Variants in STK32C observed in about 807,000 individuals in gnomAD.
The protein encoded by STK32C is serine/threonine-protein kinase 32C.
Under a neutral mutation model 56.5 loss-of-function variants are expected in STK32C, and 31 were observed. The ratio of observed to expected loss-of-function variants is 0.55; its 90% CI spans 0.41 to 0.74. STK32C has a LOEUF of 0.74. Ranked by LOEUF, STK32C falls within the 30% of genes least tolerant of loss-of-function variation. The probability of loss-of-function intolerance (pLI) is 0.00; values close to 1 mark genes in which losing one functional copy is unlikely to be tolerated. For synonymous variants in STK32C, 309 were observed against 289.4 expected (o/e 1.07, Z -0.69); for missense variants, 544 against 676.9 (o/e 0.80, Z 2.18).
At chr10:132,311,042 G>A (rs992356881), upstream of STK32C, among the ~76,000 whole-genome samples, 3 of 152,148 alleles carry the variant, frequency 2.0e-5, no homozygotes, top group African/African-American at 4.8e-5. The surrounding 1 kb of genome is among the most constrained non-coding windows in gnomAD (Gnocchi z 4.4). Flanking sequence ...ACAAGGTGCA[G>A]TCCCTGACAC....
chr10:132,274,741 C>T (rs1384325800), intron 1 of STK32C, among the ~76,000 whole-genome samples: 2 of 152,326 alleles, frequency 1.3e-5, no homozygotes, highest in Admixed American at 6.5e-5. Flanking sequence ...CGGAGGGCCC[C>T]GAGATGTCCC....
At chr10:132,265,975 G>A (rs117449511) in intron 1 of STK32C, among the ~76,000 whole-genome samples, 15 of 152,320 alleles carry the variant, frequency 9.8e-5, no homozygotes, top group East Asian at 5.8e-4. Context: ...TGTGCCACCC[G>A]GCAATTCCAT....
intron 1 of STK32C, among the ~76,000 whole-genome samples, chr10:132,246,568 C>T (rs1226995551): frequency 6.6e-6 from 1 of 152,176 alleles, no homozygotes; most frequent in African/African-American, 2.4e-5. Flanking sequence ...GCATGAGAGC[C>T]GTTCCGCAAG....
chr10:132,207,941 C>T lies in STK32C; in HGVS notation c.*69G>A. 8.0e-7 allele frequency: 1 copy of T among 1,257,524 alleles called. No homozygotes were observed. Among genetic ancestry groups the T allele is most frequent in the Non-Finnish European group, 1.0e-6 (1 of 995,160 alleles). 77.9% of individuals were successfully genotyped at this position (1,257,524 alleles called of 1,614,324 possible). On this transcript the variant is annotated 3_prime_UTR_variant, in exon 12 of 12. Transcript: ENST00000298630. Reference sequence around the variant, plus strand: ...GGGAACGTGAATGCCAGGCCTCGGCCCATGGCCCTCCCTCTGGCAGCCGAG... The same window carrying T: ...GGGAACGTGAATGCCAGGCCTCGGCTCATGGCCCTCCCTCTGGCAGCCGAG...
intron 2 of STK32C, among the ~76,000 whole-genome samples, chr10:132,234,846 A>G (rs934780201): frequency 1.3e-5 from 2 of 152,216 alleles, no homozygotes; most frequent in African/African-American, 4.8e-5. Context: ...TACAGCAGCC[A>G]TTGGACACTT....
intron 10 of STK32C, chr10:132,209,469 G>GCA (rs1391884555): frequency 4.7e-6 from 2 of 427,964 alleles, no homozygotes. Flanking sequence ...CCTCATCACA[G>GCA]CACACACACA....
chr10:132,213,554 C>T (rs1284850955), intron 10 of STK32C, among the ~76,000 whole-genome samples: 1 of 152,248 alleles, frequency 6.6e-6, no homozygotes, highest in South Asian at 2.1e-4. Context: ...ACACTAAAGG[C>T]CCATCTACTT....
At chr10:132,309,669 G>T (rs2066183838), upstream of STK32C, among the ~76,000 whole-genome samples, 1 of 152,084 alleles carries the variant, frequency 6.6e-6, no homozygotes, top group African/African-American at 2.4e-5. Context: ...GGAAGCCCTC[G>T]GTGCCCATCC....
At chr10:132,310,523 A>G (rs1222034009), upstream of STK32C, among the ~76,000 whole-genome samples, 1 of 152,166 alleles carries the variant, frequency 6.6e-6, no homozygotes, top group Admixed American at 6.5e-5. The surrounding 1 kb of genome is among the most constrained non-coding windows in gnomAD (Gnocchi z 4.6). Context: ...CATGGGAGGT[A>G]GCTCTGAAGT....
At chr10:132,325,275 G>A (rs1342472190) in intron 1 of STK32C, among the ~76,000 whole-genome samples, 5 of 151,986 alleles carry the variant, frequency 3.3e-5, no homozygotes, top group African/African-American at 4.8e-5. Flanking sequence ...TTCCCCGGCC[G>A]GGCGCGGTGG....
chr10:132,235,910 A>C (rs919866798), intron 2 of STK32C, among the ~76,000 whole-genome samples: 1 of 65,664 alleles, frequency 1.5e-5, no homozygotes, highest in African/African-American at 5.2e-5. Flanking sequence ...TTTAAAGATA[A>C]CACACTAAAC....
At chr10:132,256,887 T>G (rs1276332108) in intron 1 of STK32C, among the ~76,000 whole-genome samples, 2 of 152,126 alleles carry the variant, frequency 1.3e-5, no homozygotes, top group African/African-American at 4.8e-5. Context: ...GGCTTGGGGT[T>G]CCTCCTGAGT....
intron 10 of STK32C, among the ~76,000 whole-genome samples, chr10:132,209,529 G>A (rs571292202): frequency 8.5e-5 from 13 of 152,356 alleles, no homozygotes; most frequent in African/African-American, 2.9e-4. Context: ...CCTGGAACCA[G>A]GGCTGTCTTA....
chr10:132,331,322 AAT>A, intron 1 of STK32C: 1 of 1,049,300 alleles, frequency 9.5e-7, no homozygotes, highest in Admixed American at 2.8e-5. Flanking sequence ...TGGATCCTGG[AAT>A]GAAGGTGCAC....
intron 1 of STK32C, among the ~76,000 whole-genome samples, chr10:132,280,932 T>C (rs1209356318): frequency 2.0e-5 from 3 of 150,320 alleles, no homozygotes; most frequent in Non-Finnish European, 3.0e-5. Flanking sequence ...CTGCACTCCA[T>C]GATCACGCCA....
intron 2 of STK32C, among the ~76,000 whole-genome samples, chr10:132,241,153 C>A (rs1380992657): frequency 6.6e-6 from 1 of 152,236 alleles, no homozygotes; most frequent in African/African-American, 2.4e-5. Flanking sequence ...CAAAGCCAAA[C>A]CCGACCCTCC....
At chr10:132,303,156 G>A (rs1180932923) in intron 1 of STK32C, among the ~76,000 whole-genome samples, 1 of 152,256 alleles carries the variant, frequency 6.6e-6, no homozygotes, top group Non-Finnish European at 1.5e-5. Context: ...GCGGTGAGGG[G>A]CTGCGTGGGA....
At chr10:132,228,207 T>C (rs2137733851) in intron 2 of STK32C, 79 bp from the exon 3 acceptor site, 1 of 1,595,998 alleles carries the variant, frequency 6.3e-7, no homozygotes, top group South Asian at 1.1e-5. Flanking sequence ...TGCATGGGGA[T>C]GCCTGGGGAC....
intron 10 of STK32C, among the ~76,000 whole-genome samples, chr10:132,210,150 C>T (rs144733374): frequency 2.0e-5 from 3 of 152,372 alleles, no homozygotes; most frequent in East Asian, 1.9e-4. Context: ...CAACAGTCTG[C>T]GTTCACCCGA....
Sources: gnomAD v4.1 joint callset for allele counts (sites outside exome capture counted in the v4.1 genomes callset) on GRCh38, gnomAD v4.1.1 for gene constraint, Gnocchi (gnomAD v3.1) non-coding constraint, MANE v1.5 for transcripts, NCBI Gene and HGNC (gene_info 2026-07-23, HGNC 2026-07-21) for gene names.